The following TMEM132D variants were observed in gnomAD, a reference collection of about 807,000 sequenced individuals.
TMEM132D encodes the protein mature OL transmembrane protein.
In TMEM132D, 21 loss-of-function variants were observed where a neutral mutation model predicts 62.3. The ratio of observed to expected loss-of-function variants is 0.34; its 90% CI spans 0.24 to 0.49. The LOEUF is 0.49. TMEM132D is among the 20% of genes least tolerant of loss of function. TMEM132D has a pLI of 0.99. For missense variants in TMEM132D, 1,346 were observed against 1,402.8 expected, an observed-to-expected ratio of 0.96 and a Z score of 0.65; for synonymous variants, 621 against 575.6, an observed-to-expected ratio of 1.08 and a Z score of -1.13.
chr12:129,149,344 C>G, intron 5 of TMEM132D, among the ~76,000 whole-genome samples: 1 of 152,078 alleles, frequency 6.6e-6, no homozygotes, highest in East Asian at 1.9e-4. Flanking sequence ...GGTACACTTA[C>G]GTAAAAAACC....
At position 129,903,716 on chromosome 12, in the gene TMEM132D, T is replaced by C; in HGVS notation, c.-377A>G. On this transcript the variant is annotated 5_prime_UTR_variant, in exon 1 of 9. Coordinates refer to ENST00000422113, the MANE Select transcript of TMEM132D (RefSeq NM_133448.3). The surrounding 1 kb of genome is among the most constrained non-coding windows in gnomAD (Gnocchi z 6.2). ...CCTCCAGGCGCAGGGCTCCGGCGGCTCCAGCTGCTCCCGGGCTGGCTAGCG... is the reference window on the plus strand; with the variant it reads ...CCTCCAGGCGCAGGGCTCCGGCGGCCCCAGCTGCTCCCGGGCTGGCTAGCG... 6.3e-6 allele frequency: 1 copy of C among 157,518 alleles called. No individual in the cohort carries two copies. The highest frequency in any genetic ancestry group is 1.4e-5 in the Non-Finnish European group (1 of 72,060). The allele number at this position is 157,518 out of a possible 1,614,324, so 9.8% of individuals were successfully genotyped here.
intron 2 of TMEM132D, among the ~76,000 whole-genome samples, chr12:129,598,817 C>T (rs1878412895): frequency 6.6e-6 from 1 of 152,294 alleles, no homozygotes; most frequent in African/African-American, 2.4e-5. Flanking sequence ...ATACCACAAG[C>T]TGTATTTCCA....
chr12:129,513,815 TATTTATTTATTTATTTATTTA>T (rs1310966244), intron 3 of TMEM132D, among the ~76,000 whole-genome samples: 9 of 111,430 alleles, frequency 8.1e-5, no homozygotes, highest in African/African-American at 2.9e-4. Flanking sequence ...TTTATTTATT[TATTTATTTATTTATTTATTTA>T]TTTATTTATT....
rs1878432768 is a variant in TMEM132D at position 129,192,516 on chromosome 12, T to C, written c.1443+17004A>G. Among the ~76,000 whole-genome samples, 3 of 152,248 alleles carry C rather than the reference T, an allele frequency of 2.0e-5. No homozygotes were observed. The South Asian group carries it at 6.2e-4, about 31-fold the overall frequency. On this transcript the variant is annotated intron_variant, in intron 5 of 8. Coordinates refer to ENST00000422113, the MANE Select transcript of TMEM132D (RefSeq NM_133448.3). Reference sequence around the variant, plus strand: ...GAAATCAAGATTCTGTGGCAAATTCTTATAAGAGAAACTTTAAGGCCCTGA... The same window carrying C: ...GAAATCAAGATTCTGTGGCAAATTCCTATAAGAGAAACTTTAAGGCCCTGA...
At chr12:129,874,700 CTTTTT>C (rs71085583) in intron 1 of TMEM132D, among the ~76,000 whole-genome samples, 1 of 117,906 alleles carries the variant, frequency 8.5e-6, no homozygotes, top group Admixed American at 9.8e-5. Flanking sequence ...TCACATTTTT[CTTTTT>C]TTTTTTTTTT....
intron 4 of TMEM132D, among the ~76,000 whole-genome samples, chr12:129,223,548 C>A (rs1234859388): frequency 1.3e-5 from 2 of 152,096 alleles, no homozygotes; most frequent in African/African-American, 2.4e-5. Context: ...GTCCTGTAGA[C>A]CCCCGGAGCC....
intron 1 of TMEM132D, among the ~76,000 whole-genome samples, chr12:129,781,106 A>G (rs1871107023): frequency 6.6e-6 from 1 of 152,200 alleles, no homozygotes; most frequent in Admixed American, 6.5e-5. Flanking sequence ...TGCAAAATAT[A>G]TATTTTAAAT....
chr12:129,695,859 C>T (rs1384683385), intron 2 of TMEM132D, among the ~76,000 whole-genome samples: 1 of 152,224 alleles, frequency 6.6e-6, no homozygotes, highest in Non-Finnish European at 1.5e-5. Flanking sequence ...CACCAACCTC[C>T]ATCAGAATCT....
In TMEM132D at chr12:129,628,822, A is replaced by T. The variant is rs1429864743; in HGVS notation, c.968+70988T>A. Among the ~76,000 whole-genome samples, 4 of 151,976 alleles carry T rather than the reference A, an allele frequency of 2.6e-5. No individual in the cohort carries two copies. In the East Asian group the frequency reaches 7.8e-4, roughly 29 times the overall value. On this transcript the variant is annotated intron_variant, in intron 2 of 8. Transcript: ENST00000422113. ...TAGAATAAAGCCAGAATCCCTTACCATGTGGCTTGGCTTCCACCACCTTGC... is the reference window on the plus strand; with the variant it reads ...TAGAATAAAGCCAGAATCCCTTACCTTGTGGCTTGGCTTCCACCACCTTGC...
intron 5 of TMEM132D, among the ~76,000 whole-genome samples, chr12:129,183,007 T>C (rs4964859): frequency 0.45 from 68,844 of 151,942 alleles, 15,725 homozygotes; most frequent in East Asian, 0.58. Flanking sequence ...TCTCTCTCTT[T>C]GGGGCTAAAT....
intron 1 of TMEM132D, among the ~76,000 whole-genome samples, chr12:129,757,817 C>T (rs964269242): frequency 1.3e-5 from 2 of 152,194 alleles, no homozygotes; most frequent in African/African-American, 4.8e-5. Context: ...AGGAAAAAAT[C>T]CAAAATGTGT....
intron 3 of TMEM132D, among the ~76,000 whole-genome samples, chr12:129,382,377 T>A (rs1870976424): frequency 6.6e-6 from 1 of 152,208 alleles, no homozygotes; most frequent in South Asian, 2.1e-4. Context: ...AAAGCATCTC[T>A]AGGCAATACT....
intron 5 of TMEM132D, among the ~76,000 whole-genome samples, chr12:129,171,834 A>G (rs1877743342): frequency 1.3e-5 from 2 of 152,212 alleles, no homozygotes; most frequent in Admixed American, 1.3e-4. Context: ...TTGTGGTTCC[A>G]TTTACAGAGC....
chr12:129,724,649 A>T (rs1868964523), intron 1 of TMEM132D, among the ~76,000 whole-genome samples: 1 of 152,060 alleles, frequency 6.6e-6, no homozygotes, highest in African/African-American at 2.4e-5. Context: ...CAGCCTCCTG[A>T]GTAGCTGGGA....
At chr12:129,108,075 T>C (rs1207311586) in intron 5 of TMEM132D, among the ~76,000 whole-genome samples, 1 of 152,180 alleles carries the variant, frequency 6.6e-6, no homozygotes, top group African/African-American at 2.4e-5. Flanking sequence ...GACCATGAAA[T>C]GCAAGAATAT....
intron 3 of TMEM132D, among the ~76,000 whole-genome samples, chr12:129,433,043 C>T (rs991921926): frequency 4.6e-5 from 7 of 152,262 alleles, no homozygotes; most frequent in South Asian, 4.2e-4. Flanking sequence ...TTTTGTATTT[C>T]GCTCCTTTGT....
chr12:129,686,737 C>T (rs1880930304), intron 2 of TMEM132D, among the ~76,000 whole-genome samples: 1 of 152,172 alleles, frequency 6.6e-6, no homozygotes, highest in African/African-American at 2.4e-5. Flanking sequence ...CACAATGGAG[C>T]CAGTAACACT....
rs1361476015 is a variant in TMEM132D, at chr12:129,388,455, GATGATA to G, written c.1116-50644_1116-50639del. On this transcript the variant is annotated intron_variant, in intron 3 of 8. Transcript: ENST00000422113. ...CTAACACCAACACCAATCCAGCACT[GATGATA>G]ATATTAACACCAACACAAATCCTAA... 3.1e-3 allele frequency among the ~76,000 whole-genome samples: 351 copies of G among 112,132 alleles called. 9 individuals carry two copies. Among genetic ancestry groups the G allele is most frequent in the African/African-American group, 0.01 (328 of 32,424 alleles). 73.6% of individuals were successfully genotyped at this position (112,132 alleles called of 152,430 possible).
Position 129,339,405 on chromosome 12 carries a change from G to A in TMEM132D, c.1116-1588C>T, listed in dbSNP as rs560416039. 1.2e-3 allele frequency among the ~76,000 whole-genome samples: 13 copies of A among 11,250 alleles called. 1 individual carries two copies. The South Asian group carries it at 0.052, about 45-fold the overall frequency. 7.4% of individuals were successfully genotyped at this position (11,250 alleles called of 152,430 possible). On this transcript the variant is annotated intron_variant, in intron 3 of 8. Transcript: ENST00000422113. Reference sequence around the variant, plus strand: ...AGAAAGAACCCCAAATCTCTTCCATGGAACGGGGTAGCTGCAATGGGCTGT... The same window carrying A: ...AGAAAGAACCCCAAATCTCTTCCATAGAACGGGGTAGCTGCAATGGGCTGT...
Sources: gnomAD v4.1 joint callset for allele counts (sites outside exome capture counted in the v4.1 genomes callset) on GRCh38, gnomAD v4.1.1 for gene constraint, Gnocchi (gnomAD v3.1) non-coding constraint, MANE v1.5 for transcripts, NCBI Gene and HGNC (gene_info 2026-07-23, HGNC 2026-07-21) for gene names.